JADE2: variants seen among roughly 807,000 people sequenced by gnomAD.
The protein encoded by JADE2 is jade family PHD finger 2, also known as E3 ubiquitin-protein ligase Jade-2.
In JADE2, 13 loss-of-function variants were observed where a neutral mutation model predicts 85.7. That is an observed-to-expected ratio of 0.15 (90% CI 0.10 to 0.24). The LOEUF is 0.24. JADE2 is among the 10% of genes least tolerant of loss of function. The probability of loss-of-function intolerance (pLI) is 1.00; values close to 1 mark genes in which losing one functional copy is unlikely to be tolerated. For synonymous variants in JADE2, 440 were observed against 456.1 expected (o/e 0.96, Z 0.45); for missense variants, 846 against 1,115.9 (o/e 0.76, Z 3.45).
Position 134,578,351 on chromosome 5 carries a change from A to G in JADE2, c.1682-143A>G. The G allele has an allele frequency of 1.5e-6, 1 of 670,558 alleles. No homozygotes were observed. The highest frequency in any genetic ancestry group is 1.9e-5 in the South Asian group (1 of 51,494). The allele number at this position is 670,558 out of a possible 1,614,324, so 41.5% of individuals were successfully genotyped here. A position where few individuals can be genotyped will look rare whatever the true frequency, so the allele number is the denominator to read the frequency against. Reference sequence around the variant, plus strand: ...GGTGGTGTTGGCAGGAGGGATGGACAAAACAAGATAGCTCACCTGGGTCTG... The same window carrying G: ...GGTGGTGTTGGCAGGAGGGATGGACGAAACAAGATAGCTCACCTGGGTCTG... On this transcript the variant is annotated intron_variant, in intron 11 of 11. Transcript: ENST00000681547. This position sits in a 1 kb window ranked among gnomAD's most constrained non-coding sequence, Gnocchi z 4.4.
chr5:134,560,307 A>G (rs1279826102), intron 5 of JADE2, among the ~76,000 whole-genome samples: 1 of 151,944 alleles, frequency 6.6e-6, no homozygotes, highest in African/African-American at 2.4e-5. Context: ...TAGGGTCAGG[A>G]TGGCAAATGG....
intron 3 of JADE2, among the ~76,000 whole-genome samples, chr5:134,550,224 T>C (rs1762519516): frequency 6.6e-6 from 1 of 152,230 alleles, no homozygotes; most frequent in Non-Finnish European, 1.5e-5. Flanking sequence ...ACAATTAAAT[T>C]ATATTGGCAA....
At chr5:134,559,184 G>T (rs1026978147) in intron 4 of JADE2, among the ~76,000 whole-genome samples, 2 of 152,160 alleles carry the variant, frequency 1.3e-5, no homozygotes, top group Non-Finnish European at 1.5e-5. Context: ...TCTGGAAAGG[G>T]TCACCCTGGG....
Position 134,566,067 on chromosome 5 carries a change from TC to T in JADE2, c.970-46del. The T allele has an allele frequency of 2.0e-6, 3 of 1,517,274 alleles. No individual in the cohort carries two copies. The highest frequency in any genetic ancestry group is 2.7e-6 in the Non-Finnish European group (3 of 1,105,546). The allele number at this position is 1,517,274 out of a possible 1,614,324, so 94.0% of individuals were successfully genotyped here. ...GGGGAAGCCCCTCTGTCTTCTCCCC[TC>T]CCACCAGGCTCCCTCCATGTCTGAT... On this transcript the variant is annotated intron_variant, in intron 8 of 11. Coordinates refer to ENST00000681547, the MANE Select transcript of JADE2 (RefSeq NM_001388185.1). The surrounding 1 kb of genome is among the most constrained non-coding windows in gnomAD (Gnocchi z 6.7).
intron 10 of JADE2, 96 bp from the exon 11 acceptor site, chr5:134,576,672 A>C: frequency 7.0e-7 from 1 of 1,435,424 alleles, no homozygotes; most frequent in Non-Finnish European, 9.5e-7. Context: ...GCACTGGCTG[A>C]TGGAGGACTC....
intron 3 of JADE2, among the ~76,000 whole-genome samples, chr5:134,540,673 C>G (rs1463628444): frequency 6.6e-6 from 1 of 152,154 alleles, no homozygotes; most frequent in African/African-American, 2.4e-5. Context: ...ACCTGTCTTT[C>G]GAGAATCCCA....
chr5:134,565,988 C>A, intron 8 of JADE2, 128 bp from the exon 9 acceptor site: 1 of 780,382 alleles, frequency 1.3e-6, no homozygotes, highest in African/African-American at 1.7e-5. Context: ...GTTGGGAGCC[C>A]ATGCCATTCT....
rs35545286 is a variant in JADE2 at position 134,559,913 on chromosome 5, C to G, written c.395C>G (p.Pro132Arg). The G allele has an allele frequency of 6.2e-6, 10 of 1,613,878 alleles. No individual in the cohort carries two copies. Among genetic ancestry groups the G allele is most frequent in the Non-Finnish European group, 8.5e-6 (10 of 1,179,950 alleles). ...GGTGAGGGCTCCCAGCCTGATTGGC[C>G]AGGGGGCAGCCGCTATGACTTGGAC... The part of the protein sequence containing the change: ...MLGEGSQPDW[P>R]GGSRYDLDEI... Residue 132 changes from proline (P) to arginine (R), a missense_variant, in exon 5 of 12, where the codon CCA becomes CGA. Coordinates refer to ENST00000681547, the MANE Select transcript of JADE2 (RefSeq NM_001388185.1).
At position 134,566,482 on chromosome 5, in the gene JADE2, C is replaced by A; in HGVS notation, c.1336C>A (p.Pro446Thr). The change falls in exon 9 of 12, where the codon CCC becomes ACC. Residue 446 changes from proline (P) to threonine (T), a missense_variant. This residue lies in a region of JADE2 where 88 missense variants were observed against 140.6 expected (regional missense o/e 0.63). Coordinates refer to ENST00000681547, the MANE Select transcript of JADE2 (RefSeq NM_001388185.1). This position sits in a 1 kb window ranked among gnomAD's most constrained non-coding sequence, Gnocchi z 6.7. ...CAATGCCAACCAGCCGCTGCTGACC[C>A]CCAAGACCGACGAGGTGGACAACCT... ...KANANQPLLT[P>T]KTDEVDNLAQ... 1 of 1,612,856 alleles carries A rather than the reference C, an allele frequency of 6.2e-7. No individual in the cohort carries two copies.
At chr5:134,561,457 A>G (rs1173491968) in intron 6 of JADE2, among the ~76,000 whole-genome samples, 1 of 152,176 alleles carries the variant, frequency 6.6e-6, no homozygotes, top group Admixed American at 6.5e-5. Flanking sequence ...ACAGTCTAGT[A>G]AGGGCTATAT....
At chr5:134,524,902 T>C (rs1009331892), upstream of JADE2, among the ~76,000 whole-genome samples, 60 of 152,112 alleles carry the variant, frequency 3.9e-4, no homozygotes, top group African/African-American at 1.4e-3. Flanking sequence ...CACTTTCTGC[T>C]CACTTCTGGT....
chr5:134,553,479 G>A (rs1408675469), intron 4 of JADE2, among the ~76,000 whole-genome samples: 2 of 151,712 alleles, frequency 1.3e-5, no homozygotes, highest in African/African-American at 2.4e-5. Flanking sequence ...TCAGCCTCCC[G>A]AATAGCTGGG....
chr5:134,557,292 TTC>T (rs1763029577), intron 4 of JADE2, among the ~76,000 whole-genome samples: 2 of 150,836 alleles, frequency 1.3e-5, no homozygotes, highest in African/African-American at 2.4e-5. Context: ...TTTTTTTTTT[TTC>T]AGACAGAACC....
At chr5:134,558,387 T>C (rs920946135) in intron 4 of JADE2, among the ~76,000 whole-genome samples, 12 of 145,380 alleles carry the variant, frequency 8.3e-5, no homozygotes, top group Admixed American at 5.6e-4. Flanking sequence ...TTAGTTTAAT[T>C]AGATCCCATT....
chr5:134,572,882 C>T (rs1347685845), intron 9 of JADE2, among the ~76,000 whole-genome samples: 1 of 152,256 alleles, frequency 6.6e-6, no homozygotes, highest in Non-Finnish European at 1.5e-5. Context: ...GGGCTCTTCC[C>T]AGCTGGCCTT....
intron 1 of JADE2, among the ~76,000 whole-genome samples, chr5:134,534,900 C>T (rs182276270): frequency 6.5e-4 from 99 of 152,348 alleles, no homozygotes; most frequent in Middle Eastern, 6.8e-3. Flanking sequence ...GCTCTGCCAC[C>T]TGGGACTCGT....
intron 4 of JADE2, among the ~76,000 whole-genome samples, chr5:134,556,824 GCACA>G (rs1325183830): frequency 2.4e-5 from 2 of 82,624 alleles, no homozygotes; most frequent in Non-Finnish European, 4.7e-5. Flanking sequence ...CATACCACAT[GCACA>G]CACACACATC....
chr5:134,525,347 G>A (rs945061470), upstream of JADE2, among the ~76,000 whole-genome samples: 2 of 151,922 alleles, frequency 1.3e-5, no homozygotes, highest in Middle Eastern at 3.2e-3. Context: ...CGGCCCTGGG[G>A]ACAGGGCGGG....
At position 134,578,988 on chromosome 5, in the gene JADE2, G is replaced by A. The variant is rs1204002142; in HGVS notation, c.2176G>A (p.Asp726Asn). The A allele has an allele frequency of 6.2e-7, 1 of 1,613,660 alleles. No individual in the cohort carries two copies. Among genetic ancestry groups the A allele is most frequent in the East Asian group, 2.2e-5 (1 of 44,896 alleles). ...SPPPLAPETP[D>N]EAASVAADSD... ...CCCGCCACTGGCCCCTGAGACCCCG[G>A]ACGAGGCAGCCTCAGTAGCTGCTGA... The change falls in exon 12 of 12, where the codon GAC becomes AAC. Residue 726 changes from aspartate (D) to asparagine (N), a missense_variant. Physicochemically the swap from Asp to Asn is conservative, Grantham distance 23. Around this residue, in one of 9 missense-constraint regions of JADE2, gnomAD observed 300 missense variants for 300.7 expected, o/e 1.00. Transcript: ENST00000681547. This position sits in a 1 kb window ranked among gnomAD's most constrained non-coding sequence, Gnocchi z 4.4.
Sources: allele counts gnomAD v4.1 joint callset (sites outside exome capture counted in the v4.1 genomes callset), GRCh38; gene constraint gnomAD v4.1.1; regional missense constraint gnomAD v4.1.1; non-coding constraint Gnocchi (gnomAD v3.1); transcripts MANE v1.5; gene names NCBI Gene and HGNC (gene_info 2026-07-23, HGNC 2026-07-21).